Variants in ACVR1B observed in about 807,000 individuals in gnomAD.
ACVR1B encodes activin receptor type-1B.
A neutral mutation model predicts 55.6 loss-of-function variants in ACVR1B; 15 were observed. The ratio of observed to expected loss-of-function variants is 0.27; its 90% CI spans 0.18 to 0.42. The LOEUF is 0.42. ACVR1B is among the 10% of genes least tolerant of loss of function. ACVR1B has a pLI of 1.00. For synonymous variants in ACVR1B, 247 were observed against 254.6 expected (o/e 0.97, Z 0.28); for missense variants, 359 against 670.1 (o/e 0.54, Z 5.13).
intron 3 of ACVR1B, among the ~76,000 whole-genome samples, chr12:51,977,876 A>G (rs1415845291): frequency 6.6e-6 from 1 of 151,756 alleles, no homozygotes; most frequent in Admixed American, 6.6e-5. Context: ...TTAAAAAAGA[A>G]AAAAAACATC....
rs1942284654 is a variant in ACVR1B, at chr12:51,995,606, A to T, written c.*1496A>T. ...GAGGGTTTGGATTTTAACTTTTTTT[A>T]ATGTTGTTAAATATTAAGTTTTTGT... On this transcript the variant is annotated 3_prime_UTR_variant, in exon 9 of 9. Transcript: ENST00000257963. 1 of 151,942 alleles carries T rather than the reference A, an allele frequency of 6.6e-6. No homozygotes were observed. Among genetic ancestry groups the T allele is most frequent in the Non-Finnish European group, 1.5e-5 (1 of 67,880 alleles). 9.4% of individuals were successfully genotyped at this position (151,942 alleles called of 1,614,324 possible). A position where few individuals can be genotyped will look rare whatever the true frequency, so the allele number is the denominator to read the frequency against.
chr12:51,988,187 A>C (rs1028178703), intron 7 of ACVR1B, among the ~76,000 whole-genome samples: 1 of 152,200 alleles, frequency 6.6e-6, no homozygotes, highest in Non-Finnish European at 1.5e-5. Flanking sequence ...ACAGACTAAG[A>C]GGCCAGGCGC....
rs1342001576 is a variant in ACVR1B, at chr12:51,985,062, A to C, written c.980-130A>C. 5.4e-6 allele frequency: 5 copies of C among 919,924 alleles called. No individual in the cohort carries two copies. The East Asian group carries it at 1.2e-4, about 21-fold the overall frequency. The allele number at this position is 919,924 out of a possible 1,614,324, so 57.0% of individuals were successfully genotyped here. A position where few individuals can be genotyped will look rare whatever the true frequency, so the allele number is the denominator to read the frequency against. ...GACTGAGGTACAGAGGGCTAAAGTCACTTTTCCAGGGTCACTGGATTAGCA... is the reference window on the plus strand; with the variant it reads ...GACTGAGGTACAGAGGGCTAAAGTCCCTTTTCCAGGGTCACTGGATTAGCA... On this transcript the variant is annotated intron_variant, in intron 5 of 8. Transcript: ENST00000257963.
chr12:51,991,852 T>G lies in ACVR1B; in HGVS notation c.1262-11T>G, dbSNP rs761136740. ...GTTGATAACTCAGGTAGATACTTTCTTTTCTCCCAGGAGTCCATGAAGAAT... is the reference window on the plus strand; with the variant it reads ...GTTGATAACTCAGGTAGATACTTTCGTTTCTCCCAGGAGTCCATGAAGAAT... On this transcript the variant is annotated splice_polypyrimidine_tract_variant and intron_variant, in intron 7 of 8. Coordinates refer to ENST00000257963, the MANE Select transcript of ACVR1B (RefSeq NM_004302.5). The G allele has an allele frequency of 1.2e-5, 20 of 1,610,706 alleles. No homozygotes were observed. The highest frequency in any genetic ancestry group is 1.7e-5 in the Non-Finnish European group (20 of 1,178,162).
chr12:51,979,235 G>GT (rs1214149710), intron 3 of ACVR1B, among the ~76,000 whole-genome samples: 7 of 149,202 alleles, frequency 4.7e-5, no homozygotes, highest in African/African-American at 1.8e-4. Context: ...GGAGGCCGAG[G>GT]CGGGTAGATC....
chr12:51,989,723 T>G (rs900047387), intron 7 of ACVR1B, among the ~76,000 whole-genome samples: 1 of 152,062 alleles, frequency 6.6e-6, no homozygotes, highest in Admixed American at 6.5e-5. Flanking sequence ...CGGTGGCTCA[T>G]GCCTGTAATC....
At chr12:51,965,449 T>C (rs1941620375) in intron 1 of ACVR1B, among the ~76,000 whole-genome samples, 1 of 152,332 alleles carries the variant, frequency 6.6e-6, no homozygotes, top group South Asian at 2.1e-4. Context: ...AAATGAAATA[T>C]TAGAATTGAA....
At position 51,984,185 on chromosome 12, in the gene ACVR1B, G is replaced by T. The variant is rs1312065670; in HGVS notation, c.979+19G>T. The T allele has an allele frequency of 6.8e-6, 11 of 1,613,790 alleles. No homozygotes were observed. The Middle Eastern group carries it at 1.2e-3, about 176-fold the overall frequency. ...ACCCAAGGTGAGTGGACTAGCGCAGGAGCGGCGAAGTGGTGTAGGCATGAA... is the reference window on the plus strand; with the variant it reads ...ACCCAAGGTGAGTGGACTAGCGCAGTAGCGGCGAAGTGGTGTAGGCATGAA... On this transcript the variant is annotated intron_variant, in intron 5 of 8. Transcript: ENST00000257963.
intron 1 of ACVR1B, among the ~76,000 whole-genome samples, chr12:51,971,563 CTGT>C (rs1311317384): frequency 2.0e-5 from 3 of 152,120 alleles, no homozygotes; most frequent in Non-Finnish European, 4.4e-5. Context: ...TTCTAAGGGG[CTGT>C]TATCATTAGT....
intron 1 of ACVR1B, among the ~76,000 whole-genome samples, chr12:51,964,255 C>T (rs577306058): frequency 3.3e-5 from 5 of 152,176 alleles, no homozygotes; most frequent in African/African-American, 1.2e-4. Flanking sequence ...ATCTTCTTGC[C>T]TCAGACTCCT....
intron 4 of ACVR1B, chr12:51,982,816 ATTCC>A (rs1565619752): frequency 6.7e-6 from 10 of 1,499,938 alleles, no homozygotes; most frequent in Middle Eastern, 1.7e-4. Context: ...TGAGTAAGCT[ATTCC>A]TTTTTAAAAC....
chr12:51,987,834 C>CATAAT lies in ACVR1B; in HGVS notation c.1261+892_1261+893insATAAT, dbSNP rs1942110380. 5 of 152,358 alleles carry CATAAT rather than the reference C, an allele frequency of 3.3e-5. No individual in the cohort carries two copies. In the South Asian group the frequency reaches 1.0e-3, roughly 32 times the overall value. 9.4% of individuals were successfully genotyped at this position (152,358 alleles called of 1,614,324 possible). On this transcript the variant is annotated intron_variant, in intron 7 of 8. Coordinates refer to ENST00000257963, the MANE Select transcript of ACVR1B (RefSeq NM_004302.5). ...AATATAATTGTACATTTTAAAATAA[C>CATAAT]TGAAAGAATATAATTAGATTGTTTG...
chr12:51,959,657 T>C (rs944864454), intron 1 of ACVR1B, among the ~76,000 whole-genome samples: 8 of 152,012 alleles, frequency 5.3e-5, no homozygotes, highest in African/African-American at 1.9e-4. Flanking sequence ...ATGGTGAAAA[T>C]AGGTAAAGCA....
At chr12:51,951,869 G>C in intron 1 of ACVR1B, 35 bp downstream of exon 1, 3 of 1,215,004 alleles carry the variant, frequency 2.5e-6, no homozygotes, top group South Asian at 4.0e-5. Flanking sequence ...GGCCGGGATG[G>C]AGAGGGCCCG....
intron 1 of ACVR1B, among the ~76,000 whole-genome samples, chr12:51,966,607 C>A (rs983163698): frequency 3.3e-5 from 5 of 152,156 alleles, no homozygotes; most frequent in Non-Finnish European, 7.4e-5. Flanking sequence ...TGCCACCACA[C>A]CTAGCTGATA....
At position 51,996,560 on chromosome 12, in the gene ACVR1B, G is replaced by C. The variant is rs1412169134; in HGVS notation, c.*2450G>C. 1.3e-5 allele frequency: 2 copies of C among 152,604 alleles called. No individual in the cohort carries two copies. Among genetic ancestry groups the C allele is most frequent in the East Asian group, 3.8e-4 (2 of 5,200 alleles). 9.5% of individuals were successfully genotyped at this position (152,604 alleles called of 1,614,324 possible). A position where few individuals can be genotyped will look rare whatever the true frequency, so the allele number is the denominator to read the frequency against. The stretch of plus-strand genomic sequence containing the variant: ...GGTTTATAGGTAATGATGGAACTTA[G>C]ACTCCTCTTCCCAGAGTCACAAGTA... On this transcript the variant is annotated 3_prime_UTR_variant, in exon 9 of 9. Transcript: ENST00000257963.
intron 7 of ACVR1B, among the ~76,000 whole-genome samples, chr12:51,990,029 C>T (rs1382810628): frequency 2.0e-5 from 3 of 151,750 alleles, no homozygotes; most frequent in African/African-American, 4.8e-5. Context: ...TGCGGTGGCT[C>T]GCACCTGTAA....
chr12:51,957,441 C>CAAA (rs76826910), intron 1 of ACVR1B, among the ~76,000 whole-genome samples: 5 of 96,244 alleles, frequency 5.2e-5, no homozygotes, highest in Non-Finnish European at 4.6e-5. Context: ...GAGACTCCGT[C>CAAA]AAAAAAAAAA....
intron 7 of ACVR1B, chr12:51,987,536 A>G (rs1368641310): frequency 1.0e-5 from 2 of 190,652 alleles, no homozygotes; most frequent in Non-Finnish European, 2.2e-5. Flanking sequence ...ATTTTATGAT[A>G]ATTTCCATAT....
Sources: allele counts gnomAD v4.1 joint callset (sites outside exome capture counted in the v4.1 genomes callset), GRCh38; gene constraint gnomAD v4.1.1; transcripts MANE v1.5; gene names NCBI Gene and HGNC (gene_info 2026-07-23, HGNC 2026-07-21).